The following HMCN2 variants were observed in gnomAD, a reference collection of about 807,000 sequenced individuals.
The protein encoded by HMCN2 is hemicentin-2.
Under a neutral mutation model 377.5 loss-of-function variants are expected in HMCN2, and 325 were observed. The observed-to-expected ratio is 0.86, with a 90% CI of 0.79 to 0.94. The LOEUF (loss-of-function observed/expected upper bound fraction) is 0.94. HMCN2 is among the 40% of genes least tolerant of loss of function. The pLI, the probability that HMCN2 is intolerant of heterozygous loss-of-function variation, is 0.00. For missense variants in HMCN2, 4,543 were observed against 4,725.3 expected, an observed-to-expected ratio of 0.96 and a Z score of 1.13; for synonymous variants, 2,007 against 2,046.8, an observed-to-expected ratio of 0.98 and a Z score of 0.53.
chr9:130,354,380 G>A (rs1302584304), intron 31 of HMCN2, among the ~76,000 whole-genome samples: 1 of 152,232 alleles, frequency 6.6e-6, no homozygotes, highest in Non-Finnish European at 1.5e-5. Context: ...AGACCAGGGA[G>A]GGAGGGGACT....
In HMCN2 at chr9:130,419,987, C is replaced by T. The variant is rs574616282; in HGVS notation, c.13231+946C>T. Among the ~76,000 whole-genome samples, 135 of 152,246 alleles carry T rather than the reference C, an allele frequency of 8.9e-4. 4 individuals carry two copies. The South Asian group carries it at 0.028, about 31-fold the overall frequency. On this transcript the variant is annotated intron_variant, in intron 86 of 97. Coordinates refer to ENST00000683500, the MANE Select transcript of HMCN2 (RefSeq NM_001291815.2). ...CTGAAAGTTCAGCGGTTCTCTGACC[C>T]CCCAGCCAGAGATGCAGTCTCAGAG...
intron 89 of HMCN2, 27 bp downstream of exon 89, chr9:130,425,157 A>C: frequency 6.5e-7 from 1 of 1,527,658 alleles, no homozygotes; most frequent in Non-Finnish European, 8.8e-7. Context: ...TGGGGTGTGC[A>C]GACAGGGTAG....
At chr9:130,317,561 C>T (rs1837629371) in intron 15 of HMCN2, among the ~76,000 whole-genome samples, 1 of 149,798 alleles carries the variant, frequency 6.7e-6, no homozygotes, top group Non-Finnish European at 1.5e-5. Flanking sequence ...GTGGTGCTAT[C>T]TCGGCTCCCT....
Position 130,431,484 on chromosome 9 carries a change from A to G in HMCN2, c.14765A>G (p.Gln4922Arg), listed in dbSNP as rs1014573664. 3 of 1,548,814 alleles carry G rather than the reference A, an allele frequency of 1.9e-6. No individual in the cohort carries two copies. The highest frequency in any genetic ancestry group is 2.0e-5 in the Admixed American group (1 of 50,960). Residue 4922 changes from glutamine (Q) to arginine (R), a missense_variant and splice_region_variant, in exon 96 of 98, where the codon CAG (glutamine) becomes CGG (arginine). Physicochemically the swap from Gln to Arg is conservative, Grantham distance 43. This residue lies in a region of HMCN2 where 1,155 missense variants were observed against 1,157.7 expected (regional missense o/e 1.00). Coordinates refer to ENST00000683500, the MANE Select transcript of HMCN2 (RefSeq NM_001291815.2). The part of the protein sequence containing the change: ...YRLLPSGKNC[Q>R]DINECEEESI... ...CTGCTCCCCAGCGGGAAGAACTGCC[A>G]GGGTGAGCCGGGCTCAGGCCGCCGC...
At position 130,384,516 on chromosome 9, in the gene HMCN2, G is replaced by C; in HGVS notation, c.8974G>C (p.Glu2992Gln). The C allele has an allele frequency of 4.6e-6, 6 of 1,304,292 alleles. No individual in the cohort carries two copies. The highest frequency in any genetic ancestry group is 6.1e-6 in the Non-Finnish European group (6 of 988,964). The allele number at this position is 1,304,292 out of a possible 1,614,324, so 80.8% of individuals were successfully genotyped here. A position where few individuals can be genotyped will look rare whatever the true frequency, so the allele number is the denominator to read the frequency against. Residue 2992 changes from glutamate (E) to glutamine (Q), a missense_variant, in exon 58 of 98, where the codon GAG becomes CAG. Glu to Gln is a conservative substitution (Grantham distance 29). Transcript: ENST00000683500. Reference sequence around the variant, plus strand: ...CAGCCAGGCCCTCTCCCTGGGTGAAGAGGTCTTCCTCCTGCCTGGTGGGTA... The same window carrying C: ...CAGCCAGGCCCTCTCCCTGGGTGAACAGGTCTTCCTCCTGCCTGGTGGGTA... ...KDSQALSLGE[E>Q]VFLLPGTHTL...
rs116479983 is a variant in HMCN2 at position 130,393,761 on chromosome 9, G to C, written c.10254G>C (p.Pro3418=). 2.4e-6 allele frequency: 3 copies of C among 1,268,546 alleles called. No homozygotes were observed. The Admixed American group carries it at 7.3e-5, about 31-fold the overall frequency. The allele number at this position is 1,268,546 out of a possible 1,614,324, so 78.6% of individuals were successfully genotyped here. A position where few individuals can be genotyped will look rare whatever the true frequency, so the allele number is the denominator to read the frequency against. ...LQVQVPPVLE[P]VEFQNDVVVV... ...CCATAGTGCCCCCTGTCCTGGAGCC[G>C]GTGGAGTTCCAGAATGACGTGGTGG... Residue 3418 remains proline (P), a synonymous_variant, in exon 68 of 98, where the codon CCG becomes CCC. Transcript: ENST00000683500. The surrounding 1 kb of genome is among the most constrained non-coding windows in gnomAD (Gnocchi z 5.2).
intron 22 of HMCN2, among the ~76,000 whole-genome samples, chr9:130,329,525 C>T (rs1220089257): frequency 4.6e-5 from 7 of 150,766 alleles, no homozygotes; most frequent in African/African-American, 1.7e-4. Context: ...TCACTGCAAC[C>T]TCCGCCTCCC....
At chr9:130,425,643 T>TCCC in intron 89 of HMCN2, 44 bp from the exon 90 acceptor site, 1 of 582,134 alleles carries the variant, frequency 1.7e-6, no homozygotes. Flanking sequence ...CCTTTCTCCC[T>TCCC]CTCCCCCACC....
intron 14 of HMCN2, 39 bp downstream of exon 14, chr9:130,307,605 C>G (rs1554937337): frequency 2.1e-6 from 1 of 470,988 alleles, no homozygotes; most frequent in South Asian, 1.5e-5. Context: ...AACAGCTTTC[C>G]AGAAAGCAAG....
chr9:130,395,108 G>A lies in HMCN2; in HGVS notation c.10774G>A (p.Ala3592Thr). 8.1e-7 allele frequency: 1 copy of A among 1,230,934 alleles called. No individual in the cohort carries two copies. The highest frequency in any genetic ancestry group is 1.1e-6 in the Non-Finnish European group (1 of 939,986). The allele number at this position is 1,230,934 out of a possible 1,614,324, so 76.3% of individuals were successfully genotyped here. Residue 3592 changes from alanine to threonine, a missense_variant and splice_region_variant, in exon 70 of 98, where the codon GCC becomes ACC. Transcript: ENST00000683500. Reference sequence around the variant, plus strand: ...GAAGAGCTTCCGGGTCAGGGTTCAAGGTAGGTGGTGGGGGTGGGGTGGGGG... The same window carrying A: ...GAAGAGCTTCCGGGTCAGGGTTCAAAGTAGGTGGTGGGGGTGGGGTGGGGG... The part of the protein sequence containing the change: ...IEKSFRVRVQ[A>T]PPNIVGPRGP...
chr9:130,428,245 G>C lies in HMCN2; in HGVS notation c.14066-113G>C. Reference sequence around the variant, plus strand: ...AGAAGGGGTGGGGACCTTCCTGCCAGTGGCTCCTGGGCCTGCGGACGAAGC... The same window carrying C: ...AGAAGGGGTGGGGACCTTCCTGCCACTGGCTCCTGGGCCTGCGGACGAAGC... On this transcript the variant is annotated intron_variant, in intron 92 of 97. Coordinates refer to ENST00000683500, the MANE Select transcript of HMCN2 (RefSeq NM_001291815.2). The surrounding 1 kb of genome is among the most constrained non-coding windows in gnomAD (Gnocchi z 5.0). 1 of 1,289,354 alleles carries C rather than the reference G, an allele frequency of 7.8e-7. No homozygotes were observed. Among genetic ancestry groups the C allele is most frequent in the East Asian group, 2.7e-5 (1 of 37,684 alleles). 79.9% of individuals were successfully genotyped at this position (1,289,354 alleles called of 1,614,324 possible).
rs1554931351 is a variant in HMCN2, at chr9:130,294,849, C to A, written c.613-6C>A. 2 of 436,174 alleles carry A rather than the reference C, an allele frequency of 4.6e-6. No homozygotes were observed. The highest frequency in any genetic ancestry group is 4.1e-5 in the African/African-American group (2 of 48,912). 27.0% of individuals were successfully genotyped at this position (436,174 alleles called of 1,614,324 possible). A position where few individuals can be genotyped will look rare whatever the true frequency, so the allele number is the denominator to read the frequency against. On this transcript the variant is annotated splice_polypyrimidine_tract_variant and splice_region_variant and intron_variant, in intron 4 of 97. Transcript: ENST00000683500. The stretch of plus-strand genomic sequence containing the variant: ...GCCGGCATCAGCTCCTCATACTTGC[C>A]TCCAGGTGCTGAAGTGGGTGGAGTC...
chr9:130,355,929 G>A (rs1424256333), intron 33 of HMCN2, 75 bp downstream of exon 33: 11 of 1,005,574 alleles, frequency 1.1e-5, no homozygotes, highest in Non-Finnish European at 1.5e-5. Flanking sequence ...GGGGGGAAGT[G>A]GACAGGAGAG....
At chr9:130,420,598 A>C (rs543567587) in intron 86 of HMCN2, among the ~76,000 whole-genome samples, 1 of 151,924 alleles carries the variant, frequency 6.6e-6, no homozygotes, top group African/African-American at 2.4e-5. Flanking sequence ...TCTTCTGAAC[A>C]CTGTGGGGAG....
Position 130,423,664 on chromosome 9 carries a change from A to G in HMCN2, c.13381+938A>G, listed in dbSNP as rs79476104. Among the ~76,000 whole-genome samples the G allele has an allele frequency of 0.032, 4,922 of 152,292 alleles. 109 individuals carry two copies. Among genetic ancestry groups the G allele is most frequent in the African/African-American group, 0.059 (2,440 of 41,554 alleles). ...GCAAAGCTGGCACCGTCCCTGACTC[A>G]GAGCAAGTGGGGAGCGGGTGTGTTC... is the stretch of plus-strand genomic sequence containing the variant. On this transcript the variant is annotated intron_variant, in intron 87 of 97. Coordinates refer to ENST00000683500, the MANE Select transcript of HMCN2 (RefSeq NM_001291815.2). The surrounding 1 kb of genome is among the most constrained non-coding windows in gnomAD (Gnocchi z 5.5).
intron 44 of HMCN2, among the ~76,000 whole-genome samples, chr9:130,368,897 G>A (rs968226637): frequency 3.9e-5 from 6 of 152,080 alleles, no homozygotes; most frequent in Non-Finnish European, 8.8e-5. Context: ...CTGCACGTGG[G>A]GATTACAATT....
At position 130,308,540 on chromosome 9, in the gene HMCN2, G is replaced by T. The variant is rs1554937711; in HGVS notation, c.2200+974G>T. Among the ~76,000 whole-genome samples the T allele has an allele frequency of 6.6e-6, 1 of 152,140 alleles. No homozygotes were observed. The highest frequency in any genetic ancestry group is 2.4e-5 in the African/African-American group (1 of 41,436). ...ATACTGTCCCCTCCCATTCCTTGCAGCAGCTGCCTGGGACCTCATCAGAGC... is the reference window on the plus strand; with the variant it reads ...ATACTGTCCCCTCCCATTCCTTGCATCAGCTGCCTGGGACCTCATCAGAGC... On this transcript the variant is annotated intron_variant, in intron 14 of 97. Coordinates refer to ENST00000683500, the MANE Select transcript of HMCN2 (RefSeq NM_001291815.2). The surrounding 1 kb of genome is among the most constrained non-coding windows in gnomAD (Gnocchi z 4.1).
intron 4 of HMCN2, among the ~76,000 whole-genome samples, chr9:130,288,221 G>A (rs1327059066): frequency 6.6e-6 from 1 of 152,166 alleles, no homozygotes; most frequent in African/African-American, 2.4e-5. Flanking sequence ...GCTGTCCTAA[G>A]CCTCTTCCTT....
intron 60 of HMCN2, 101 bp downstream of exon 60, chr9:130,385,863 C>A: frequency 1.3e-6 from 1 of 797,596 alleles, no homozygotes; most frequent in Non-Finnish European, 1.8e-6. Flanking sequence ...ATGTGAGTTG[C>A]TGCCTCCTTG....
Sources: allele counts gnomAD v4.1 joint callset (sites outside exome capture counted in the v4.1 genomes callset), GRCh38; gene constraint gnomAD v4.1.1; regional missense constraint gnomAD v4.1.1; non-coding constraint Gnocchi (gnomAD v3.1); transcripts MANE v1.5; gene names NCBI Gene and HGNC (gene_info 2026-07-23, HGNC 2026-07-21).